ERAP1: variants seen among roughly 807,000 people sequenced by gnomAD.
The protein encoded by ERAP1 is endoplasmic reticulum aminopeptidase 1, also known as adipocyte-derived leucine aminopeptidase.
Under a neutral mutation model 103.7 loss-of-function variants are expected in ERAP1, and 86 were observed. The observed-to-expected ratio is 0.83, with a 90% CI of 0.70 to 0.99. The LOEUF is 0.99. ERAP1 is among the 50% of genes least tolerant of loss of function. ERAP1 has a pLI of 0.00. For missense variants in ERAP1, 1,009 were observed against 1,128.4 expected, an observed-to-expected ratio of 0.89 and a Z score of 1.52; for synonymous variants, 398 against 402.4, an observed-to-expected ratio of 0.99 and a Z score of 0.13.
At chr5:96,878,912 C>A in the ERAP1 span, among the ~76,000 whole-genome samples, 7 of 152,074 alleles carry the variant, frequency 4.6e-5, no homozygotes, top group East Asian at 1.4e-3. Context: ...TGGACAACAG[C>A]GAGATTCCGT....
chr5:96,902,656 C>A, the ERAP1 span: 1 of 201,540 alleles, frequency 5.0e-6, no homozygotes, highest in Non-Finnish European at 1.0e-5. Context: ...ATGGATAAGG[C>A]AAAAAATGTT....
At chr5:96,910,307 A>G in the ERAP1 span, 1 of 151,954 alleles carries the variant, frequency 6.6e-6, no homozygotes, top group African/African-American at 2.4e-5. Flanking sequence ...TTATTATAAG[A>G]TGGTATCATA....
chr5:96,896,848 G>T, the ERAP1 span: 1 of 1,085,176 alleles, frequency 9.2e-7, no homozygotes, highest in South Asian at 1.9e-5. Context: ...ATGACTTGTG[G>T]AGCAGTCTGT....
the ERAP1 span, among the ~76,000 whole-genome samples, chr5:96,905,136 G>A: frequency 2.0e-5 from 3 of 152,140 alleles, no homozygotes; most frequent in Non-Finnish European, 4.4e-5. Flanking sequence ...AACATTATTA[G>A]TATTATCTAA....
rs1170740718 is a variant in ERAP1 at position 96,803,388 on chromosome 5, G to C, written c.524+15C>G. ...CAGCACTTGCAGTTTAAAAGAAAAA[G>C]AGAAAAAAAAATACCTCAGTTCCCC... On this transcript the variant is annotated intron_variant, in intron 2 of 18. Transcript: ENST00000443439. The C allele has an allele frequency of 6.2e-7, 1 of 1,610,326 alleles. No individual in the cohort carries two copies. Among genetic ancestry groups the C allele is most frequent in the Non-Finnish European group, 8.5e-7 (1 of 1,178,536 alleles).
At chr5:96,845,114 T>C in the ERAP1 span, among the ~76,000 whole-genome samples, 1 of 152,352 alleles carries the variant, frequency 6.6e-6, no homozygotes, top group South Asian at 2.1e-4. Flanking sequence ...GCGGTGATTA[T>C]ATTAATATAT....
At chr5:96,864,813 C>CT in the ERAP1 span, among the ~76,000 whole-genome samples, 1 of 150,876 alleles carries the variant, frequency 6.6e-6, no homozygotes, top group South Asian at 2.1e-4. Context: ...GGGAACAATA[C>CT]TTTTTTTTTC....
Position 96,795,123 on chromosome 5 carries a change from C to T in ERAP1, c.838G>A (p.Asp280Asn), listed in dbSNP as rs1777201569. The T allele has an allele frequency of 6.2e-7, 1 of 1,613,806 alleles. No homozygotes were observed. The highest frequency in any genetic ancestry group is 1.7e-5 in the Admixed American group (1 of 59,980). ...YAVPDKINQA[D>N]YALDAAVTLL... The stretch of plus-strand genomic sequence containing the variant: ...GTCACCGCAGCATCCAGTGCATAAT[C>T]TGCTTGATTTATCTTGTCTGGCACA... The change falls in exon 5 of 19, where the codon GAT becomes AAT. Residue 280 changes from aspartate to asparagine, a missense_variant. Coordinates refer to ENST00000443439, the MANE Select transcript of ERAP1 (RefSeq NM_001040458.3).
chr5:96,795,386 A>G (rs1777237833), intron 4 of ERAP1, among the ~76,000 whole-genome samples: 1 of 152,230 alleles, frequency 6.6e-6, no homozygotes, highest in African/African-American at 2.4e-5. Context: ...AGTGTTCTTA[A>G]ATGTGTTTAT....
Position 96,797,227 on chromosome 5 carries a change from A to G in ERAP1, c.746T>C (p.Phe249Ser). Residue 249 changes from phenylalanine (F) to serine (S), a missense_variant, in exon 4 of 19, where the codon TTC (phenylalanine) becomes TCC (serine). Phe to Ser is a radical substitution (Grantham distance 155). Coordinates refer to ENST00000443439, the MANE Select transcript of ERAP1 (RefSeq NM_001040458.3). ...TVKMSTYLVA[F>S]IISDFESVSK... ...GACAGACTCAAAATCTGAAATGATG[A>G]AGGCCACCAGATAGGTGCTCATCTT... 4 of 1,614,242 alleles carry G rather than the reference A, an allele frequency of 2.5e-6. No individual in the cohort carries two copies. In the South Asian group the frequency reaches 4.4e-5, roughly 18 times the overall value.
At chr5:96,878,002 C>T in the ERAP1 span, among the ~76,000 whole-genome samples, 1 of 152,022 alleles carries the variant, frequency 6.6e-6, no homozygotes, top group Non-Finnish European at 1.5e-5. Context: ...CAGAGAAAAC[C>T]TTCATGGTTT....
At chr5:96,827,382 C>G in the ERAP1 span, among the ~76,000 whole-genome samples, 1 of 152,094 alleles carries the variant, frequency 6.6e-6, no homozygotes, top group African/African-American at 2.4e-5. Context: ...AAAATATAGG[C>G]TGGGCGCGAT....
At chr5:96,791,407 C>T (rs892293992) in intron 8 of ERAP1, among the ~76,000 whole-genome samples, 1 of 152,102 alleles carries the variant, frequency 6.6e-6, no homozygotes, top group African/African-American at 2.4e-5. Context: ...AAAACAACAG[C>T]CAAGCACAAT....
In ERAP1 at chr5:96,768,120, A is replaced by G. The variant is rs1581424886; in HGVS notation, c.2819-4892T>C. 1.1e-5 allele frequency: 8 copies of G among 734,784 alleles called. No homozygotes were observed. The East Asian group carries it at 1.4e-4, about 12-fold the overall frequency. 45.5% of individuals were successfully genotyped at this position (734,784 alleles called of 1,614,324 possible). ...CTGTCTTGTAACAGGGTCTTACTCT[A>G]TAGCCCAGGCTGGAGTGCAGTGGTG... On this transcript the variant is annotated intron_variant, in intron 19 of 19. Coordinates refer to the ERAP1 transcript ENST00000296754.
At chr5:96,888,840 A>G in the ERAP1 span, among the ~76,000 whole-genome samples, 1 of 152,178 alleles carries the variant, frequency 6.6e-6, no homozygotes, top group African/African-American at 2.4e-5. Context: ...CATTTTGGAA[A>G]GCTAGTTGAC....
chr5:96,916,657 A>T, the ERAP1 span, among the ~76,000 whole-genome samples: 1 of 150,594 alleles, frequency 6.6e-6, no homozygotes, highest in Non-Finnish European at 1.5e-5. Flanking sequence ...TTTAGTAGAG[A>T]TGGGGTTTCA....
intron 1 of ERAP1, 68 bp downstream of exon 1, chr5:96,807,792 G>C: frequency 1.0e-6 from 1 of 972,610 alleles, no homozygotes; most frequent in Non-Finnish European, 1.2e-6. Flanking sequence ...ACGGGCGCAG[G>C]GAAGGGGCGG....
At chr5:96,888,309 G>T in the ERAP1 span, among the ~76,000 whole-genome samples, 1 of 152,148 alleles carries the variant, frequency 6.6e-6, no homozygotes, top group Non-Finnish European at 1.5e-5. Flanking sequence ...ACATGGATGT[G>T]CAGGAGGTGA....
chr5:96,917,171 A>G, the ERAP1 span, among the ~76,000 whole-genome samples: 2 of 152,196 alleles, frequency 1.3e-5, no homozygotes. Flanking sequence ...CAGTGGCACC[A>G]TCTTGGCTCA....
Sources: allele counts gnomAD v4.1 joint callset (sites outside exome capture counted in the v4.1 genomes callset), GRCh38; gene constraint gnomAD v4.1.1; transcripts MANE v1.5; gene names NCBI Gene and HGNC (gene_info 2026-07-23, HGNC 2026-07-21).